The following ADARB2 variants were observed in gnomAD, a reference collection of about 807,000 sequenced individuals.
ADARB2 encodes inactive double-stranded RNA-specific editase B2.
A neutral mutation model predicts 62.2 loss-of-function variants in ADARB2; 25 were observed. The ratio of observed to expected loss-of-function variants is 0.40; its 90% confidence interval spans 0.29 to 0.56. The LOEUF is 0.56. Among genes scored for constraint, ADARB2 ranks in the 20% least tolerant of loss-of-function variants. ADARB2 has a pLI of 0.43. For synonymous variants in ADARB2, 572 were observed against 500.8 expected, an observed-to-expected ratio of 1.14 and a Z score of -1.90; for missense variants, 1,071 against 1,077.4, an observed-to-expected ratio of 0.99 and a Z score of 0.08.
chr10:1,603,252 A>G (rs139030735), intron 1 of ADARB2, among the ~76,000 whole-genome samples: 2 of 152,344 alleles, frequency 1.3e-5, no homozygotes, highest in African/African-American at 4.8e-5. Flanking sequence ...ATTGGTAGGC[A>G]GCACCCCCGG....
At chr10:1,645,314 G>T (rs1834025370) in intron 1 of ADARB2, among the ~76,000 whole-genome samples, 1 of 152,218 alleles carries the variant, frequency 6.6e-6, no homozygotes. Flanking sequence ...AATCCAAAAA[G>T]ACTGATTCTA....
chr10:1,560,079 C>T (rs1304787514), intron 1 of ADARB2, among the ~76,000 whole-genome samples: 2 of 152,186 alleles, frequency 1.3e-5, no homozygotes, highest in African/African-American at 4.8e-5. Context: ...CCAAGGCCAA[C>T]TTGGATTACT....
chr10:1,461,173 C>T (rs1205006535), intron 1 of ADARB2, among the ~76,000 whole-genome samples: 1 of 152,176 alleles, frequency 6.6e-6, no homozygotes, highest in African/African-American at 2.4e-5. Context: ...ACACTTCGAA[C>T]CTCCAGAAGA....
intron 1 of ADARB2, among the ~76,000 whole-genome samples, chr10:1,735,587 C>G (rs1332778192): frequency 6.6e-6 from 1 of 152,202 alleles, no homozygotes; most frequent in Non-Finnish European, 1.5e-5. Flanking sequence ...GTGACTTTCT[C>G]AATATCAATG....
At chr10:1,296,737 GCTGT>G (rs1831526894) in intron 3 of ADARB2, among the ~76,000 whole-genome samples, 1 of 152,218 alleles carries the variant, frequency 6.6e-6, no homozygotes, top group Admixed American at 6.5e-5. Context: ...AGGAGGCCCT[GCTGT>G]CTGTGTTCTA....
chr10:1,480,967 C>T (rs1420183153), intron 1 of ADARB2, among the ~76,000 whole-genome samples: 4 of 152,112 alleles, frequency 2.6e-5, no homozygotes, highest in Non-Finnish European at 4.4e-5. Flanking sequence ...AAAACCCATC[C>T]TAAAATTCAT....
At chr10:1,328,522 A>G (rs895392426) in intron 3 of ADARB2, among the ~76,000 whole-genome samples, 7 of 152,142 alleles carry the variant, frequency 4.6e-5, no homozygotes, top group Admixed American at 2.6e-4. Flanking sequence ...TTTCTTGAAC[A>G]GTGCAAACAT....
chr10:1,468,877 A>G (rs1486870800), intron 1 of ADARB2, among the ~76,000 whole-genome samples: 2 of 151,850 alleles, frequency 1.3e-5, no homozygotes, highest in African/African-American at 2.4e-5. Context: ...GTTGAATTTG[A>G]AAGCTTGAAG....
chr10:1,510,333 A>C (rs1564312737), intron 1 of ADARB2, among the ~76,000 whole-genome samples: 1 of 151,936 alleles, frequency 6.6e-6, no homozygotes, highest in Admixed American at 6.6e-5. Context: ...GCTGCGTGCC[A>C]TGATATTCAG....
intron 1 of ADARB2, among the ~76,000 whole-genome samples, chr10:1,510,128 CTTTCT>C (rs1831913176): frequency 8.1e-6 from 1 of 123,066 alleles, no homozygotes; most frequent in Non-Finnish European, 1.7e-5. Flanking sequence ...TTCTTTCTTT[CTTTCT>C]TTCTTTCTTT....
intron 6 of ADARB2, 105 bp from the exon 7 acceptor site, chr10:1,217,224 C>T (rs1830637394): frequency 1.7e-6 from 2 of 1,175,614 alleles, no homozygotes. Flanking sequence ...GGCCCCTCAC[C>T]ATGGCTGGGC....
chr10:1,471,046 G>C (rs1238282321), intron 1 of ADARB2, among the ~76,000 whole-genome samples: 1 of 152,116 alleles, frequency 6.6e-6, no homozygotes, highest in Non-Finnish European at 1.5e-5. Flanking sequence ...GCAACAGAGT[G>C]AGACTCCGTC....
intron 1 of ADARB2, among the ~76,000 whole-genome samples, chr10:1,598,200 G>A (rs1031110715): frequency 6.6e-6 from 1 of 151,918 alleles, no homozygotes. Context: ...TGGGTGCACC[G>A]AGACATTCCC....
At chr10:1,665,377 C>T (rs1356890377) in intron 1 of ADARB2, among the ~76,000 whole-genome samples, 1 of 152,270 alleles carries the variant, frequency 6.6e-6, no homozygotes, top group Non-Finnish European at 1.5e-5. Context: ...ACAGAGGACG[C>T]ACCCCGACGT....
At chr10:1,500,433 A>G (rs968347817) in intron 1 of ADARB2, among the ~76,000 whole-genome samples, 1 of 152,254 alleles carries the variant, frequency 6.6e-6, no homozygotes, top group African/African-American at 2.4e-5. Context: ...CTGTTTTCAT[A>G]GCTGCCAAAA....
chr10:1,341,897 C>T (rs770431798), intron 3 of ADARB2, among the ~76,000 whole-genome samples: 2 of 152,262 alleles, frequency 1.3e-5, no homozygotes, highest in Non-Finnish European at 1.5e-5. Flanking sequence ...CAAAGTGCCC[C>T]GCAGTGGCGA....
At chr10:1,601,474 C>T (rs916590732) in intron 1 of ADARB2, among the ~76,000 whole-genome samples, 4 of 152,216 alleles carry the variant, frequency 2.6e-5, no homozygotes, top group African/African-American at 9.6e-5. Context: ...CCTGTAACAA[C>T]ATGATTTAAA....
At chr10:1,723,083 C>T (rs530119214) in intron 1 of ADARB2, among the ~76,000 whole-genome samples, 10 of 152,256 alleles carry the variant, frequency 6.6e-5, no homozygotes, top group South Asian at 2.1e-4. Flanking sequence ...CTGGGCTGCA[C>T]GCTATTCAGT....
intron 1 of ADARB2, among the ~76,000 whole-genome samples, chr10:1,730,572 CCT>C (rs1032833639): frequency 5.4e-4 from 82 of 152,296 alleles, no homozygotes; most frequent in African/African-American, 1.5e-3. Context: ...AAAAATTTCA[CCT>C]CTTAGAGAGT....
Sources: gnomAD v4.1 joint callset for allele counts (sites outside exome capture counted in the v4.1 genomes callset) on GRCh38, gnomAD v4.1.1 for gene constraint, MANE v1.5 for transcripts, NCBI Gene and HGNC (gene_info 2026-07-23, HGNC 2026-07-21) for gene names.